The following TRAF2 variants were observed in gnomAD, a reference collection of about 807,000 sequenced individuals.
The protein encoded by TRAF2 is TNF receptor associated factor 2, also known as TNF receptor-associated factor 2.
Under a neutral mutation model 55.6 loss-of-function variants are expected in TRAF2, and 6 were observed. That is an observed-to-expected ratio of 0.11 (90% CI 0.06 to 0.21). The LOEUF is 0.21. Ranked by LOEUF, TRAF2 falls within the 10% of genes least tolerant of loss-of-function variation. The pLI is 1.00. For missense variants in TRAF2, 561 were observed against 684.5 expected, an observed-to-expected ratio of 0.82 and a Z score of 2.01; for synonymous variants, 329 against 276.3, an observed-to-expected ratio of 1.19 and a Z score of -1.89.
chr9:136,892,081 A>G (rs1849592195), intron 1 of TRAF2, among the ~76,000 whole-genome samples: 1 of 152,068 alleles, frequency 6.6e-6, no homozygotes, highest in South Asian at 2.1e-4. Context: ...CCATTCGTAC[A>G]CTGGCATGAC....
chr9:136,918,870 G>T (rs970742862), intron 7 of TRAF2, among the ~76,000 whole-genome samples: 1 of 151,490 alleles, frequency 6.6e-6, no homozygotes, highest in Admixed American at 6.6e-5. Flanking sequence ...GGGAAGCTGG[G>T]ATTACAAGCA....
chr9:136,905,317 A>G (rs1236694305), intron 4 of TRAF2, among the ~76,000 whole-genome samples: 1 of 152,162 alleles, frequency 6.6e-6, no homozygotes. Context: ...TCCTGTCTCA[A>G]AACTTAGTGT....
intron 1 of TRAF2, among the ~76,000 whole-genome samples, chr9:136,895,850 G>GAAAAAA (rs56199191): frequency 7.5e-6 from 1 of 132,930 alleles, no homozygotes. Context: ...TCTGTTTAAG[G>GAAAAAA]AAAAAAAAAA....
intron 4 of TRAF2, among the ~76,000 whole-genome samples, chr9:136,903,721 A>C (rs947179916): frequency 1.3e-5 from 2 of 151,904 alleles, no homozygotes; most frequent in Non-Finnish European, 2.9e-5. Flanking sequence ...TCACTCTGTC[A>C]CCCAGACTGG....
At chr9:136,891,415 T>G (rs1179428751) in intron 1 of TRAF2, among the ~76,000 whole-genome samples, 1 of 151,390 alleles carries the variant, frequency 6.6e-6, no homozygotes, top group Non-Finnish European at 1.5e-5. Flanking sequence ...GCCATTTTTT[T>G]GTGTTTTTGG....
chr9:136,912,043 T>C (rs1431372579), intron 6 of TRAF2, among the ~76,000 whole-genome samples: 1 of 151,322 alleles, frequency 6.6e-6, no homozygotes, highest in Non-Finnish European at 1.5e-5. Flanking sequence ...TTAGTACAGA[T>C]GGGGTTTCAC....
At chr9:136,882,841 G>T (rs115717784), upstream of TRAF2, 2,220 of 657,698 alleles carry the variant, frequency 3.4e-3, 46 homozygotes, top group African/African-American at 0.041. Context: ...AGTCAGGCTG[G>T]TATCAACTTG....
rs944903848 is a variant in TRAF2 at position 136,926,184 on chromosome 9, T to C, written c.*283T>C. On this transcript the variant is annotated 3_prime_UTR_variant, in exon 11 of 11. Coordinates refer to ENST00000247668, the MANE Select transcript of TRAF2 (RefSeq NM_021138.4). ...GGGTGCTTCCCAGCACAAGCTGCCC[T>C]TGCTGTCCTGTGCAGTGAAGGGAGA... is the stretch of plus-strand genomic sequence containing the variant. 1.7e-6 allele frequency: 1 copy of C among 581,566 alleles called. No individual in the cohort carries two copies. The highest frequency in any genetic ancestry group is 3.2e-6 in the Non-Finnish European group (1 of 310,932). 36.0% of individuals were successfully genotyped at this position (581,566 alleles called of 1,614,324 possible).
Position 136,916,603 on chromosome 9 carries a change from C to T in TRAF2, c.666C>T (p.Gly222=). Residue 222 remains glycine (G), a synonymous_variant, in exon 7 of 11, where the codon GGC becomes GGT. Transcript: ENST00000247668. The part of the protein sequence containing the change: ...CRVPCRFHAI[G]CLETVEGEKQ... The stretch of plus-strand genomic sequence containing the variant: ...TCCCTTGCAGATTCCACGCCATCGG[C>T]TGCCTCGAGACGGTGAGTCGGGGGG... 6.2e-7 allele frequency: 1 copy of T among 1,614,008 alleles called. No homozygotes were observed. The highest frequency in any genetic ancestry group is 8.5e-7 in the Non-Finnish European group (1 of 1,180,002).
intron 4 of TRAF2, among the ~76,000 whole-genome samples, chr9:136,902,799 G>T (rs1337927940): frequency 6.6e-6 from 1 of 152,194 alleles, no homozygotes; most frequent in Non-Finnish European, 1.5e-5. Context: ...CTCTCCGGGT[G>T]CTCGGAGTGT....
chr9:136,917,978 G>C (rs1283133002), intron 7 of TRAF2, among the ~76,000 whole-genome samples: 1 of 151,970 alleles, frequency 6.6e-6, no homozygotes, highest in Admixed American at 6.6e-5. Context: ...GGCGATGCTC[G>C]CTTCCCGTTT....
intron 8 of TRAF2, 39 bp downstream of exon 8, chr9:136,920,554 T>C (rs1257400323): frequency 3.2e-6 from 5 of 1,572,134 alleles, no homozygotes; most frequent in African/African-American, 1.4e-5. Flanking sequence ...AGGAGGACAG[T>C]GTAAAGGGGG....
At chr9:136,886,288 G>A (rs1849445013), upstream of TRAF2, 2 of 602,550 alleles carry the variant, frequency 3.3e-6, no homozygotes, top group African/African-American at 2.0e-5. Flanking sequence ...AGGTACCCAC[G>A]CCGTCTCAGC....
chr9:136,891,722 A>G (rs888174292), intron 1 of TRAF2, among the ~76,000 whole-genome samples: 3 of 148,132 alleles, frequency 2.0e-5, no homozygotes, highest in African/African-American at 4.9e-5. Flanking sequence ...CTCACCCTGA[A>G]TCTTTTTTTT....
intron 1 of TRAF2, among the ~76,000 whole-genome samples, chr9:136,887,492 C>T (rs747758735): frequency 6.6e-6 from 1 of 152,102 alleles, no homozygotes; most frequent in African/African-American, 2.4e-5. Flanking sequence ...CAAGCCTCCA[C>T]TCGGTGTAGG....
At chr9:136,882,741 G>T, upstream of TRAF2, 1 of 985,612 alleles carries the variant, frequency 1.0e-6, no homozygotes, top group Non-Finnish European at 1.2e-6. Flanking sequence ...CAGCAAACAA[G>T]GCGAGTCCCC....
chr9:136,896,671 C>CG (rs1849687069), intron 1 of TRAF2, among the ~76,000 whole-genome samples: 1 of 151,988 alleles, frequency 6.6e-6, no homozygotes, highest in Non-Finnish European at 1.5e-5. Context: ...AGTGGAGTCT[C>CG]GCTCTGTCAC....
chr9:136,925,306 A>G (rs960550689), intron 10 of TRAF2, among the ~76,000 whole-genome samples: 14 of 146,978 alleles, frequency 9.5e-5, no homozygotes, highest in African/African-American at 3.2e-4. Context: ...ACGAGTGGGC[A>G]GTGGGTGCTT....
At chr9:136,883,945 C>T (rs1849403146), upstream of TRAF2, among the ~76,000 whole-genome samples, 1 of 151,466 alleles carries the variant, frequency 6.6e-6, no homozygotes, top group African/African-American at 2.4e-5. Context: ...CCTACTCAGT[C>T]TCCTGAGTAG....
Sources: gnomAD v4.1 joint callset for allele counts (sites outside exome capture counted in the v4.1 genomes callset) on GRCh38, gnomAD v4.1.1 for gene constraint, MANE v1.5 for transcripts, NCBI Gene and HGNC (gene_info 2026-07-23, HGNC 2026-07-21) for gene names.